Variants in L3MBTL4 observed in about 807,000 individuals in gnomAD.
The protein encoded by L3MBTL4 is L3MBTL histone methyl-lysine binding protein 4, also known as lethal(3)malignant brain tumor-like protein 4.
In L3MBTL4, 70 loss-of-function variants were observed where a neutral mutation model predicts 84.5. The observed-to-expected ratio is 0.83, with a 90% CI of 0.68 to 1.01. The LOEUF is 1.01. Among genes scored for constraint, L3MBTL4 ranks in the 50% least tolerant of loss-of-function variants. The pLI is 0.00. For missense variants in L3MBTL4, 715 were observed against 754.8 expected, an observed-to-expected ratio of 0.95 and a Z score of 0.62; for synonymous variants, 274 against 259.8, an observed-to-expected ratio of 1.05 and a Z score of -0.52.
chr18:6,036,040 C>T (rs2056122031), intron 16 of L3MBTL4, among the ~76,000 whole-genome samples: 1 of 152,144 alleles, frequency 6.6e-6, no homozygotes, highest in Non-Finnish European at 1.5e-5. Flanking sequence ...TTATCTCTGG[C>T]CACCAAGGTT....
At chr18:6,313,414 CA>C (rs893442136) in intron 1 of L3MBTL4, among the ~76,000 whole-genome samples, 2 of 151,932 alleles carry the variant, frequency 1.3e-5, no homozygotes, top group African/African-American at 4.8e-5. Flanking sequence ...AAAAAATAAA[CA>C]AAAAAACACT....
intron 13 of L3MBTL4, among the ~76,000 whole-genome samples, chr18:6,147,970 C>T (rs938256508): frequency 2.0e-5 from 3 of 151,994 alleles, no homozygotes; most frequent in Non-Finnish European, 4.4e-5. Context: ...AAAGGATGAC[C>T]TCATATTTAA....
At chr18:5,984,573 TG>T (rs964549206) in intron 16 of L3MBTL4, among the ~76,000 whole-genome samples, 1 of 152,204 alleles carries the variant, frequency 6.6e-6, no homozygotes, top group Non-Finnish European at 1.5e-5. Flanking sequence ...AATATTTTTT[TG>T]GGGGGGAAGC....
chr18:6,147,000 G>A (rs1029668719), intron 13 of L3MBTL4, among the ~76,000 whole-genome samples: 5 of 152,098 alleles, frequency 3.3e-5, no homozygotes, highest in African/African-American at 1.2e-4. Context: ...CGGTGAAACA[G>A]GCAGTAAGCT....
At chr18:6,038,685 A>C (rs1226280479) in intron 16 of L3MBTL4, among the ~76,000 whole-genome samples, 6 of 152,192 alleles carry the variant, frequency 3.9e-5, no homozygotes, top group South Asian at 2.1e-4. Context: ...GAGAAATAAA[A>C]AACAACAACA....
At chr18:5,957,697 T>C (rs987279914) in intron 18 of L3MBTL4, among the ~76,000 whole-genome samples, 6 of 152,164 alleles carry the variant, frequency 3.9e-5, no homozygotes, top group African/African-American at 1.4e-4. Flanking sequence ...GGCTCATGTC[T>C]GTAATCCCAG....
chr18:6,009,370 G>A (rs1465555248), intron 16 of L3MBTL4, among the ~76,000 whole-genome samples: 1 of 152,184 alleles, frequency 6.6e-6, no homozygotes, highest in Non-Finnish European at 1.5e-5. Context: ...TGAGGGTCTG[G>A]GTCCAGGCTG....
chr18:6,180,780 T>C (rs1007402732), intron 12 of L3MBTL4, among the ~76,000 whole-genome samples: 1 of 152,236 alleles, frequency 6.6e-6, no homozygotes, highest in African/African-American at 2.4e-5. Flanking sequence ...AAAATCTGTA[T>C]TTTTTAACCA....
chr18:6,163,278 T>G (rs1352838926), intron 13 of L3MBTL4, among the ~76,000 whole-genome samples: 11 of 106,336 alleles, frequency 1.0e-4, no homozygotes, highest in African/African-American at 4.1e-4. Flanking sequence ...GGTGGGTGTG[T>G]GTGTGTGTGT....
At chr18:6,297,542 A>C (rs1599533542) in intron 4 of L3MBTL4, among the ~76,000 whole-genome samples, 1 of 152,196 alleles carries the variant, frequency 6.6e-6, no homozygotes. Flanking sequence ...ATTTTTCCAA[A>C]AATAAAAGTT....
At chr18:6,144,635 G>C (rs1159546629) in intron 13 of L3MBTL4, among the ~76,000 whole-genome samples, 2 of 152,078 alleles carry the variant, frequency 1.3e-5, no homozygotes, top group Non-Finnish European at 2.9e-5. Flanking sequence ...TTTTGCTCAG[G>C]GCAACAATGT....
chr18:6,152,559 A>C (rs2042942444), intron 13 of L3MBTL4, among the ~76,000 whole-genome samples: 1 of 152,160 alleles, frequency 6.6e-6, no homozygotes. Context: ...AAAAAAGTCC[A>C]TCCAAGTCCT....
intron 10 of L3MBTL4, among the ~76,000 whole-genome samples, chr18:6,228,356 C>G (rs896073219): frequency 6.6e-6 from 1 of 152,012 alleles, no homozygotes; most frequent in African/African-American, 2.4e-5. Context: ...TTTCTTAGTA[C>G]ACAAAAAAGC....
At chr18:6,313,631 A>G (rs1368993125) in intron 1 of L3MBTL4, among the ~76,000 whole-genome samples, 3 of 152,190 alleles carry the variant, frequency 2.0e-5, no homozygotes, top group African/African-American at 4.8e-5. Context: ...TGCACAAGAC[A>G]CAAGCACTGC....
At chr18:6,367,097 C>G (rs1269800727) in intron 1 of L3MBTL4, among the ~76,000 whole-genome samples, 4 of 152,238 alleles carry the variant, frequency 2.6e-5, no homozygotes, top group Non-Finnish European at 4.4e-5. Flanking sequence ...CCAAGCCCGA[C>G]AGTCTAACCC....
In L3MBTL4 at chr18:6,224,461, G is replaced by A. The variant is rs561770467; in HGVS notation, c.785-8626C>T. The stretch of plus-strand genomic sequence containing the variant: ...AGTCATCTACCTTGCCCAACACAAC[G>A]GGGGAACCATCCCTCATGCATTAAG... On this transcript the variant is annotated intron_variant, in intron 10 of 18. Coordinates refer to ENST00000317931, the MANE Select transcript of L3MBTL4 (RefSeq NM_001330559.2). 4.5e-3 allele frequency among the ~76,000 whole-genome samples: 690 copies of A among 152,250 alleles called. 8 individuals carry two copies. The highest frequency in any genetic ancestry group is 0.016 in the African/African-American group (644 of 41,546).
intron 5 of L3MBTL4, among the ~76,000 whole-genome samples, chr18:6,249,834 A>G (rs2047846202): frequency 6.6e-6 from 1 of 152,242 alleles, no homozygotes; most frequent in African/African-American, 2.4e-5. Flanking sequence ...GTCATAAAAA[A>G]TTATAAGGTT....
chr18:6,395,338 G>T (rs776922881), intron 1 of L3MBTL4: 13 of 152,154 alleles, frequency 8.5e-5, no homozygotes, highest in African/African-American at 3.1e-4. Flanking sequence ...CTGCCCATCT[G>T]TCCTACCCCT....
intron 4 of L3MBTL4, among the ~76,000 whole-genome samples, chr18:6,296,089 C>T (rs2050098424): frequency 2.0e-5 from 3 of 152,150 alleles, no homozygotes; most frequent in Admixed American, 2.0e-4. Context: ...ATTAGATCCA[C>T]TGACATATAA....
Sources: allele counts gnomAD v4.1 joint callset (sites outside exome capture counted in the v4.1 genomes callset), GRCh38; gene constraint gnomAD v4.1.1; transcripts MANE v1.5; gene names NCBI Gene and HGNC (gene_info 2026-07-23, HGNC 2026-07-21).